The following ARK2C variants were observed in gnomAD, a reference collection of about 807,000 sequenced individuals.
ARK2C encodes arkadia (RNF111) C-terminal like ring finger ubiquitin ligase 2C.
the ARK2C span, among the ~76,000 whole-genome samples, chr18:46,366,434 C>T: frequency 6.6e-6 from 1 of 152,156 alleles, no homozygotes; most frequent in Non-Finnish European, 1.5e-5. Flanking sequence ...CCAGCCCAGC[C>T]CCTGCAGAGG....
the ARK2C span, chr18:46,337,416 T>A: frequency 2.0e-6 from 2 of 985,236 alleles, no homozygotes; most frequent in Middle Eastern, 5.2e-4. Context: ...TTTTTTTACA[T>A]CCCCCAGTTG....
the ARK2C span, among the ~76,000 whole-genome samples, chr18:46,415,683 G>A: frequency 2.0e-5 from 3 of 152,084 alleles, no homozygotes; most frequent in Non-Finnish European, 4.4e-5. Context: ...TCCCAACCTG[G>A]GCCAAGTGAT....
the ARK2C span, among the ~76,000 whole-genome samples, chr18:46,366,188 A>G: frequency 0.022 from 3,154 of 145,994 alleles, 107 homozygotes; most frequent in African/African-American, 0.075. Flanking sequence ...GCTACTCGGG[A>G]GGCTGAGGCA....
the ARK2C span, chr18:46,450,897 A>G: frequency 1.2e-6 from 1 of 824,160 alleles, no homozygotes; most frequent in Non-Finnish European, 2.0e-6. Context: ...GGTGCAGTCC[A>G]GATTCTAGAA....
At chr18:46,358,568 A>G in the ARK2C span, among the ~76,000 whole-genome samples, 4 of 152,234 alleles carry the variant, frequency 2.6e-5, no homozygotes, top group Non-Finnish European at 4.4e-5. Flanking sequence ...GACCTTCCTC[A>G]ACTCCTGCAG....
the ARK2C span, among the ~76,000 whole-genome samples, chr18:46,434,425 C>T: frequency 6.6e-6 from 1 of 152,136 alleles, no homozygotes; most frequent in African/African-American, 2.4e-5. Flanking sequence ...AGAAGAATGA[C>T]TTTTTAAAAC....
the ARK2C span, among the ~76,000 whole-genome samples, chr18:46,407,330 C>G: frequency 6.6e-6 from 1 of 152,142 alleles, no homozygotes; most frequent in African/African-American, 2.4e-5. Flanking sequence ...CTCCTGACAC[C>G]CCACTGAGAA....
chr18:46,456,215 A>C, the ARK2C span: 2 of 667,238 alleles, frequency 3.0e-6, no homozygotes, highest in Non-Finnish European at 5.4e-6. Context: ...AATGTGCTTC[A>C]TGGTTGCCCT....
At chr18:46,334,615 C>G in the ARK2C span, 1 of 486,782 alleles carries the variant, frequency 2.1e-6, no homozygotes, top group South Asian at 3.4e-5. This position sits in a 1 kb window ranked among gnomAD's most constrained non-coding sequence, Gnocchi z 4.4. Flanking sequence ...CCCCAAATCA[C>G]AGCCCCTTCC....
chr18:46,336,884 T>TA, the ARK2C span: 65 of 985,380 alleles, frequency 6.6e-5, no homozygotes, highest in South Asian at 2.4e-3. Flanking sequence ...ACATATGTAT[T>TA]AAAAAAATCT....
chr18:46,397,094 C>T, the ARK2C span, among the ~76,000 whole-genome samples: 6 of 152,182 alleles, frequency 3.9e-5, no homozygotes, highest in Admixed American at 6.5e-5. Context: ...CCCCTGGGCC[C>T]GGCCTGGAAC....
At chr18:46,456,886 AGC>A in the ARK2C span, 1 of 485,912 alleles carries the variant, frequency 2.1e-6, no homozygotes, top group Non-Finnish European at 3.8e-6. Flanking sequence ...GGCGGTGCCC[AGC>A]GCAAGGGCGG....
chr18:46,342,962 A>T, the ARK2C span, among the ~76,000 whole-genome samples: 3 of 152,188 alleles, frequency 2.0e-5, no homozygotes, highest in Non-Finnish European at 2.9e-5. Context: ...TTCCTATTTT[A>T]CATTAATGTC....
chr18:46,450,843 C>T, the ARK2C span: 1 of 1,442,160 alleles, frequency 6.9e-7, no homozygotes, highest in Admixed American at 1.7e-5. Context: ...GGGAATGGGG[C>T]AGGGGGGTTG....
the ARK2C span, chr18:46,450,426 T>C: frequency 4.0e-6 from 6 of 1,490,022 alleles, no homozygotes; most frequent in Non-Finnish European, 5.6e-6. Flanking sequence ...TGGTACCAAC[T>C]GGGTTGGTGG....
chr18:46,364,472 G>T, the ARK2C span, among the ~76,000 whole-genome samples: 5 of 151,426 alleles, frequency 3.3e-5, no homozygotes, highest in Admixed American at 2.0e-4. Flanking sequence ...GACACATTTT[G>T]TGGGCTCCCC....
the ARK2C span, among the ~76,000 whole-genome samples, chr18:46,388,777 G>A: frequency 6.6e-6 from 1 of 152,226 alleles, no homozygotes; most frequent in African/African-American, 2.4e-5. Flanking sequence ...TCCATTTCCC[G>A]AGTGAGGGGT....
the ARK2C span, among the ~76,000 whole-genome samples, chr18:46,358,410 G>A: frequency 1.3e-5 from 2 of 152,172 alleles, no homozygotes; most frequent in Non-Finnish European, 2.9e-5. Flanking sequence ...CAGGATCTGC[G>A]GACCTCAGAG....
At chr18:46,450,711 T>A in the ARK2C span, 1 of 1,613,430 alleles carries the variant, frequency 6.2e-7, no homozygotes, top group East Asian at 2.2e-5. Context: ...CAGGAGCTGC[T>A]GCAGCTCGAG....
Sources: gnomAD v4.1 joint callset for allele counts (sites outside exome capture counted in the v4.1 genomes callset) on GRCh38, gnomAD v4.1.1 for gene constraint, Gnocchi (gnomAD v3.1) non-coding constraint, MANE v1.5 for transcripts, NCBI Gene and HGNC (gene_info 2026-07-23, HGNC 2026-07-21) for gene names.